LIMK2: variants seen among roughly 807,000 people sequenced by gnomAD.
LIMK2 encodes the protein LIM domain kinase 2.
LIMK2 carries 35 observed loss-of-function variants against 75.7 expected under a neutral mutation model. The observed-to-expected ratio is 0.46, with a 90% CI of 0.35 to 0.61. LIMK2 has a LOEUF of 0.61. LIMK2 is among the 20% of genes least tolerant of loss of function. The pLI is 0.00. For missense variants in LIMK2, 623 were observed against 831.0 expected (o/e 0.75, Z 3.08); for synonymous variants, 301 against 319.2 (o/e 0.94, Z 0.61).
At position 31,267,941 on chromosome 22, in the gene LIMK2, T is replaced by C. The variant is rs145362557; in HGVS notation, c.1260+34T>C. 4,911 of 1,573,506 alleles carry C rather than the reference T, an allele frequency of 3.1e-3. 9 individuals carry two copies. Among genetic ancestry groups the C allele is most frequent in the Non-Finnish European group, 3.0e-3 (3,508 of 1,161,644 alleles). ...ACCACCCCATAGTCTCCAGGAGCCT[T>C]GGTGGGTTGTCAGACACCTATGCTA... On this transcript the variant is annotated intron_variant, in intron 10 of 15. Coordinates refer to ENST00000331728, the MANE Select transcript of LIMK2 (RefSeq NM_005569.4).
chr22:31,268,029 G>T, intron 10 of LIMK2, 115 bp from the exon 11 acceptor site: 1 of 1,532,968 alleles, frequency 6.5e-7, no homozygotes, highest in Non-Finnish European at 9.0e-7. Context: ...ACCATGCTGG[G>T]TGGGACTGAG....
At chr22:31,216,867 C>T (rs192115031) in intron 1 of LIMK2, among the ~76,000 whole-genome samples, 107 of 152,210 alleles carry the variant, frequency 7.0e-4, no homozygotes, top group African/African-American at 2.6e-3. Context: ...AATGAGAGGA[C>T]CTGAAACTGT....
Position 31,258,729 on chromosome 22 carries a change from T to G in LIMK2, c.252+303T>G. 3 of 404,432 alleles carry G rather than the reference T, an allele frequency of 7.4e-6. 1 individual carries two copies. The South Asian group carries it at 1.0e-4, about 13-fold the overall frequency. The allele number at this position is 404,432 out of a possible 1,614,324, so 25.1% of individuals were successfully genotyped here. The stretch of plus-strand genomic sequence containing the variant: ...TTACAGGCTGAGAGGAGGATATACT[T>G]AGGTTGTCTTTAGGGAATCAGAAAA... On this transcript the variant is annotated intron_variant, in intron 3 of 15. Coordinates refer to ENST00000331728, the MANE Select transcript of LIMK2 (RefSeq NM_005569.4).
chr22:31,246,545 G>C (rs1281574443), intron 2 of LIMK2, among the ~76,000 whole-genome samples: 1 of 151,946 alleles, frequency 6.6e-6, no homozygotes, highest in Non-Finnish European at 1.5e-5. Flanking sequence ...GCCCTTTACA[G>C]AAAAAGTGCC....
chr22:31,232,886 C>T (rs895976244), intron 2 of LIMK2, among the ~76,000 whole-genome samples: 7 of 152,124 alleles, frequency 4.6e-5, no homozygotes, highest in South Asian at 2.1e-4. Flanking sequence ...GTATGAGCCA[C>T]GGCACCTGGC....
chr22:31,273,421 C>T, intron 13 of LIMK2, 31 bp from the exon 14 acceptor site: 2 of 1,601,860 alleles, frequency 1.2e-6, no homozygotes, highest in Non-Finnish European at 1.7e-6. Flanking sequence ...GGGATGTAAA[C>T]TTAACAGTGT....
chr22:31,248,726 T>A (rs770190972), intron 2 of LIMK2: 2 of 1,614,128 alleles, frequency 1.2e-6, no homozygotes, highest in Non-Finnish European at 8.5e-7. Flanking sequence ...GATGGGGAGT[T>A]ACTTGTCAGT....
At chr22:31,242,926 A>T (rs12157877) in intron 2 of LIMK2, among the ~76,000 whole-genome samples, 36,928 of 151,822 alleles carry the variant, frequency 0.24, 6,475 homozygotes, top group African/African-American at 0.5. Flanking sequence ...GGGACATTTT[A>T]TTTATTTATT....
rs200610273 is a variant in LIMK2 at position 31,276,947 on chromosome 22, A to G, written c.1773-1350A>G. On this transcript the variant is annotated intron_variant, in intron 15 of 15. Transcript: ENST00000331728. ...CTGGAGCAGCTCACGCGCCTCTACG[A>G]CTGCCAGGAAGAGGAGATCTCAGAA... is the stretch of plus-strand genomic sequence containing the variant. The G allele has an allele frequency of 1.4e-5, 22 of 1,613,912 alleles. No individual in the cohort carries two copies. The East Asian group carries it at 4.9e-4, about 36-fold the overall frequency.
chr22:31,241,677 C>T (rs62237446), intron 2 of LIMK2, among the ~76,000 whole-genome samples: 6,218 of 152,232 alleles, frequency 0.041, 114 homozygotes, highest in Non-Finnish European at 0.051. Flanking sequence ...ACTGTCAGTG[C>T]CCAGCATAGG....
chr22:31,242,500 A>T (rs2048631305), intron 2 of LIMK2, among the ~76,000 whole-genome samples: 1 of 152,230 alleles, frequency 6.6e-6, no homozygotes, highest in Non-Finnish European at 1.5e-5. Context: ...AAAGTTACTA[A>T]CAATGGTTCC....
At chr22:31,234,312 G>A (rs1322034498) in intron 2 of LIMK2, among the ~76,000 whole-genome samples, 2 of 149,098 alleles carry the variant, frequency 1.3e-5, no homozygotes, top group Admixed American at 6.7e-5. Flanking sequence ...GCACCTGGCT[G>A]GAAGGAGTGA....
At chr22:31,275,382 C>T (rs753709460) in intron 15 of LIMK2, 74 bp downstream of exon 15, 51 of 1,491,172 alleles carry the variant, frequency 3.4e-5, no homozygotes, top group Non-Finnish European at 4.6e-5. Context: ...CACCCCTGAG[C>T]CCTCTGCAAG....
intron 13 of LIMK2, 103 bp from the exon 14 acceptor site, chr22:31,273,349 G>C (rs2048978350): frequency 9.4e-7 from 1 of 1,058,856 alleles, no homozygotes; most frequent in Non-Finnish European, 1.4e-6. Flanking sequence ...TACAGAACCT[G>C]TTCTAGCCCT....
chr22:31,238,213 A>G (rs1332887703), intron 2 of LIMK2, among the ~76,000 whole-genome samples: 2 of 152,138 alleles, frequency 1.3e-5, no homozygotes, highest in Non-Finnish European at 2.9e-5. Flanking sequence ...TACTGTATTC[A>G]GATAAAGATG....
At chr22:31,261,673 C>T (rs963005088) in intron 5 of LIMK2, among the ~76,000 whole-genome samples, 1 of 152,080 alleles carries the variant, frequency 6.6e-6, no homozygotes, top group Non-Finnish European at 1.5e-5. Context: ...GAGGCTGAGG[C>T]ATGAGAATTG....
chr22:31,255,055 A>G (rs890915422), intron 2 of LIMK2, among the ~76,000 whole-genome samples: 1 of 152,224 alleles, frequency 6.6e-6, no homozygotes, highest in Admixed American at 6.5e-5. Context: ...GGGCTAGCCC[A>G]AGATCACTTA....
intron 2 of LIMK2, among the ~76,000 whole-genome samples, chr22:31,235,394 G>A (rs2048564826): frequency 6.6e-6 from 1 of 152,174 alleles, no homozygotes; most frequent in Non-Finnish European, 1.5e-5. Context: ...ATAAGTTAAA[G>A]CTTTGTCTTT....
chr22:31,261,540 C>G (rs551903307), intron 5 of LIMK2, among the ~76,000 whole-genome samples: 36 of 127,340 alleles, frequency 2.8e-4, no homozygotes, highest in Admixed American at 5.2e-4. Flanking sequence ...AGCGAGACTC[C>G]ATCTCAAAAA....
Sources: gnomAD v4.1 joint callset for allele counts (sites outside exome capture counted in the v4.1 genomes callset) on GRCh38, gnomAD v4.1.1 for gene constraint, MANE v1.5 for transcripts, NCBI Gene and HGNC (gene_info 2026-07-23, HGNC 2026-07-21) for gene names.